The following CAMK1G variants were observed in gnomAD, a reference collection of about 807,000 sequenced individuals.
CAMK1G encodes the protein calcium/calmodulin-dependent protein kinase type 1G.
CAMK1G carries 27 observed loss-of-function variants against 54.8 expected under a neutral mutation model. That is an observed-to-expected ratio of 0.49 (90% CI 0.36 to 0.68). CAMK1G has a LOEUF of 0.68. Ranked by LOEUF, CAMK1G falls within the 30% of genes least tolerant of loss-of-function variation. CAMK1G has a pLI of 0.00. For missense variants in CAMK1G, 512 were observed against 591.0 expected, an observed-to-expected ratio of 0.87 and a Z score of 1.39; for synonymous variants, 238 against 224.9, an observed-to-expected ratio of 1.06 and a Z score of -0.52.
intron 1 of CAMK1G, among the ~76,000 whole-genome samples, chr1:209,587,111 GTT>G (rs1004298949): frequency 6.6e-5 from 10 of 151,978 alleles, no homozygotes; most frequent in African/African-American, 2.4e-4. Context: ...GGTCCTTGGA[GTT>G]TCTCTCCAGC....
intron 2 of CAMK1G, among the ~76,000 whole-genome samples, chr1:209,597,939 C>T (rs1271694716): frequency 6.6e-6 from 1 of 152,148 alleles, no homozygotes; most frequent in Admixed American, 6.5e-5. Flanking sequence ...ATGTCAGAAA[C>T]ACTTTTAAGC....
At chr1:209,598,439 G>A (rs2102387137) in intron 2 of CAMK1G, among the ~76,000 whole-genome samples, 1 of 152,316 alleles carries the variant, frequency 6.6e-6, no homozygotes. Context: ...GCCATCCTGA[G>A]TCACATTGAA....
intron 4 of CAMK1G, among the ~76,000 whole-genome samples, chr1:209,604,650 C>A (rs186122644): frequency 4.0e-4 from 61 of 152,206 alleles, no homozygotes; most frequent in African/African-American, 1.4e-3. Flanking sequence ...GGACTGGAAC[C>A]CCTGGCTCAC....
chr1:209,586,664 G>T (rs1227593371), intron 1 of CAMK1G, among the ~76,000 whole-genome samples: 1 of 152,138 alleles, frequency 6.6e-6, no homozygotes, highest in Admixed American at 6.5e-5. Flanking sequence ...GTTGCAAACT[G>T]CTTTTGTGCC....
At chr1:209,585,837 A>G (rs1446570725) in intron 1 of CAMK1G, among the ~76,000 whole-genome samples, 1 of 152,188 alleles carries the variant, frequency 6.6e-6, no homozygotes, top group Non-Finnish European at 1.5e-5. Context: ...CAGCGAGTGA[A>G]TGAGCTGCAG....
chr1:209,607,403 T>C (rs760832), intron 6 of CAMK1G, among the ~76,000 whole-genome samples: 57,922 of 151,884 alleles, frequency 0.38, 11,496 homozygotes, highest in African/African-American at 0.49. Context: ...GAGCTCCTAA[T>C]CTAATGGGGG....
At chr1:209,608,475 T>A (rs1665704056) in intron 7 of CAMK1G, among the ~76,000 whole-genome samples, 1 of 152,238 alleles carries the variant, frequency 6.6e-6, no homozygotes, top group South Asian at 2.1e-4. Flanking sequence ...AACTTTGCTC[T>A]TAGGAAAATA....
rs17014885 is a variant in CAMK1G, at chr1:209,608,747, A to G, written c.636-233A>G. 4.6e-3 allele frequency among the ~76,000 whole-genome samples: 698 copies of G among 152,320 alleles called. 3 individuals carry two copies. Among genetic ancestry groups the G allele is most frequent in the African/African-American group, 0.015 (635 of 41,566 alleles). On this transcript the variant is annotated intron_variant, in intron 7 of 12. Transcript: ENST00000361322. ...GAGGTGGCAAGGGTTGGAGGGCATA[A>G]TGTACACAGGGACCTTCTAGGGATG...
chr1:209,604,301 T>G (rs1665594777), intron 4 of CAMK1G, among the ~76,000 whole-genome samples: 1 of 152,104 alleles, frequency 6.6e-6, no homozygotes, highest in South Asian at 2.1e-4. Context: ...GGCACTACAA[T>G]GAGGCCAAGC....
intron 2 of CAMK1G, among the ~76,000 whole-genome samples, chr1:209,596,883 C>T (rs1665403395): frequency 6.6e-6 from 1 of 152,150 alleles, no homozygotes; most frequent in Non-Finnish European, 1.5e-5. Flanking sequence ...AAATAGATCC[C>T]TGGTCTCAGA....
At chr1:209,591,354 G>A (rs1238454556) in intron 1 of CAMK1G, among the ~76,000 whole-genome samples, 1 of 152,176 alleles carries the variant, frequency 6.6e-6, no homozygotes, top group African/African-American at 2.4e-5. Context: ...TTTCTCACAT[G>A]CATTTTTTAA....
intron 9 of CAMK1G, 30 bp from the exon 10 acceptor site, chr1:209,611,435 G>A: frequency 6.2e-7 from 1 of 1,610,354 alleles, no homozygotes; most frequent in Non-Finnish European, 8.5e-7. Flanking sequence ...TAGCCACCCA[G>A]TAGCCAGGTG....
chr1:209,604,328 C>CAGT (rs939957601), intron 4 of CAMK1G, among the ~76,000 whole-genome samples: 2 of 152,134 alleles, frequency 1.3e-5, no homozygotes, highest in African/African-American at 4.8e-5. Context: ...GATTAGCACA[C>CAGT]AGTAATTCAG....
intron 3 of CAMK1G, among the ~76,000 whole-genome samples, chr1:209,600,701 C>T (rs1029528045): frequency 7.2e-5 from 11 of 152,222 alleles, no homozygotes; most frequent in African/African-American, 2.4e-4. Context: ...CCAACAAAAT[C>T]GGATGTGAGT....
rs571787746 is a variant in CAMK1G, at chr1:209,605,014, C to T, written c.297-522C>T. On this transcript the variant is annotated intron_variant, in intron 4 of 12. Coordinates refer to ENST00000361322, the MANE Select transcript of CAMK1G (RefSeq NM_020439.3). ...AAGCTCCCCTGGGTCCTAAGATACT[C>T]TACCATTTGAGTCTCAAAGCACCCC... Among the ~76,000 whole-genome samples, 49 of 152,284 alleles carry T rather than the reference C, an allele frequency of 3.2e-4. 1 individual carries two copies. The South Asian group carries it at 0.01, about 32-fold the overall frequency.
chr1:209,603,389 C>T, intron 4 of CAMK1G, 101 bp downstream of exon 4: 1 of 878,024 alleles, frequency 1.1e-6, no homozygotes, highest in Non-Finnish European at 1.8e-6. Flanking sequence ...AATTCAAAGA[C>T]AAAAATGAAG....
At chr1:209,593,199 C>A (rs978360976) in intron 1 of CAMK1G, among the ~76,000 whole-genome samples, 1 of 152,156 alleles carries the variant, frequency 6.6e-6, no homozygotes, top group Non-Finnish European at 1.5e-5. Flanking sequence ...CTCAGGTTGG[C>A]CTCCAAAACT....
chr1:209,608,006 CT>C (rs1665692629), intron 7 of CAMK1G, 73 bp downstream of exon 7: 8 of 1,180,942 alleles, frequency 6.8e-6, no homozygotes, highest in Middle Eastern at 4.1e-4. Context: ...GTTCCCTCCC[CT>C]GTCTCAGCTC....
chr1:209,609,991 T>C, intron 9 of CAMK1G, 62 bp downstream of exon 9: 1 of 1,278,534 alleles, frequency 7.8e-7, no homozygotes, highest in Admixed American at 1.7e-5. Context: ...CCATGCTGAC[T>C]CATTCATATT....
Sources: allele counts gnomAD v4.1 joint callset (sites outside exome capture counted in the v4.1 genomes callset), GRCh38; gene constraint gnomAD v4.1.1; transcripts MANE v1.5; gene names NCBI Gene and HGNC (gene_info 2026-07-23, HGNC 2026-07-21).